Variants in RIMBP2 observed in about 807,000 individuals in gnomAD.
RIMBP2 encodes the protein RIMS binding protein 2.
A neutral mutation model predicts 118.6 loss-of-function variants in RIMBP2; 48 were observed. That is an observed-to-expected ratio of 0.40 (90% CI 0.32 to 0.51). RIMBP2 has a LOEUF of 0.51. Among genes scored for constraint, RIMBP2 ranks in the 20% least tolerant of loss-of-function variants. RIMBP2 has a pLI of 0.41. For missense variants in RIMBP2, 1,551 were observed against 1,768.3 expected (o/e 0.88, Z 2.20); for synonymous variants, 762 against 742.9 (o/e 1.03, Z -0.42).
intron 1 of RIMBP2, among the ~76,000 whole-genome samples, chr12:130,646,542 G>A (rs921319609): frequency 1.3e-5 from 2 of 152,116 alleles, no homozygotes; most frequent in Non-Finnish European, 1.5e-5. Flanking sequence ...TCCTCCTCGA[G>A]GTCCTGTTTT....
chr12:130,468,428 CGCT>C (rs1348227552), intron 6 of RIMBP2, among the ~76,000 whole-genome samples: 8 of 152,130 alleles, frequency 5.3e-5, no homozygotes, highest in African/African-American at 1.9e-4. Context: ...AGCTCCTGGG[CGCT>C]GCTGCTGCCC....
chr12:130,605,316 G>A (rs2060119081), intron 2 of RIMBP2, among the ~76,000 whole-genome samples: 1 of 152,262 alleles, frequency 6.6e-6, no homozygotes, highest in African/African-American at 2.4e-5. Context: ...TTTTAAAGGT[G>A]GTCTGGTCTC....
chr12:130,474,023 C>T (rs2081229127), intron 5 of RIMBP2, among the ~76,000 whole-genome samples: 1 of 152,204 alleles, frequency 6.6e-6, no homozygotes, highest in South Asian at 2.1e-4. Flanking sequence ...CCCTTTAGCT[C>T]ACACCACTGG....
At chr12:130,496,513 A>C (rs1461657201) in intron 4 of RIMBP2, among the ~76,000 whole-genome samples, 2 of 152,026 alleles carry the variant, frequency 1.3e-5, no homozygotes, top group African/African-American at 2.4e-5. Flanking sequence ...GGGGTAGAGG[A>C]GGCTGCGAGG....
intron 2 of RIMBP2, among the ~76,000 whole-genome samples, chr12:130,626,879 C>T (rs1040428021): frequency 4.6e-5 from 7 of 151,038 alleles, no homozygotes; most frequent in African/African-American, 1.7e-4. Flanking sequence ...TTCTCCATCA[C>T]CACGACTACT....
chr12:130,600,624 G>A (rs2059820556), intron 2 of RIMBP2, among the ~76,000 whole-genome samples: 3 of 151,978 alleles, frequency 2.0e-5, no homozygotes, highest in South Asian at 4.2e-4. Flanking sequence ...CCCTCTGGCT[G>A]GAAGGATGTC....
intron 4 of RIMBP2, among the ~76,000 whole-genome samples, chr12:130,499,915 C>CTT (rs2138653102): frequency 6.6e-6 from 1 of 152,214 alleles, no homozygotes; most frequent in Non-Finnish European, 1.5e-5. Flanking sequence ...ATGAATATAT[C>CTT]TTTAGGTGTG....
In RIMBP2 at chr12:130,446,698, G is replaced by C. The variant is rs1192243363; in HGVS notation, c.582-1429C>G. 6.6e-6 allele frequency among the ~76,000 whole-genome samples: 1 copy of C among 152,236 alleles called. No homozygotes were observed. The highest frequency in any genetic ancestry group is 1.5e-5 in the Non-Finnish European group (1 of 68,044). The stretch of plus-strand genomic sequence containing the variant: ...AAGGCCCAGAGGCAGGGAGGAGAGA[G>C]ATGAGGTTGGCAGGGACCAGACTGG... On this transcript the variant is annotated intron_variant, in intron 9 of 22. Coordinates refer to ENST00000690449, the MANE Select transcript of RIMBP2 (RefSeq NM_001393629.1). This position sits in a 1 kb window ranked among gnomAD's most constrained non-coding sequence, Gnocchi z 4.1.
chr12:130,560,394 G>A (rs1384906202), intron 2 of RIMBP2, among the ~76,000 whole-genome samples: 1 of 152,102 alleles, frequency 6.6e-6, no homozygotes, highest in African/African-American at 2.4e-5. Context: ...TTGCTGTGGG[G>A]CTGTCTTGTG....
intron 9 of RIMBP2, among the ~76,000 whole-genome samples, chr12:130,445,516 T>A (rs1370248769): frequency 3.3e-5 from 5 of 152,232 alleles, no homozygotes; most frequent in African/African-American, 9.6e-5. Context: ...ACTATTTGCA[T>A]CAGATAACAG....
At chr12:130,711,924 T>G (rs1285813534) in intron 1 of RIMBP2, among the ~76,000 whole-genome samples, 3 of 152,280 alleles carry the variant, frequency 2.0e-5, no homozygotes, top group African/African-American at 7.2e-5. Context: ...TGCTTCCGGT[T>G]TCACAGCTGT....
chr12:130,448,564 G>A (rs59624562), intron 9 of RIMBP2, among the ~76,000 whole-genome samples: 3,859 of 152,332 alleles, frequency 0.025, 166 homozygotes, highest in African/African-American at 0.087. Context: ...GAATGGCTGC[G>A]CCTGGGCCTG....
At chr12:130,456,407 C>T (rs1025888327) in intron 7 of RIMBP2, 89 bp downstream of exon 7, 2 of 1,212,584 alleles carry the variant, frequency 1.6e-6, no homozygotes, top group Non-Finnish European at 2.3e-6. Flanking sequence ...CAGGTGTCAC[C>T]AAACCGATTT....
intron 2 of RIMBP2, among the ~76,000 whole-genome samples, chr12:130,585,258 AG>A (rs1350713464): frequency 6.6e-6 from 1 of 152,188 alleles, no homozygotes; most frequent in East Asian, 1.9e-4. Context: ...CGGAGTGAGA[AG>A]GGGAGGGTCC....
At chr12:130,529,776 G>A (rs950134708) in intron 2 of RIMBP2, among the ~76,000 whole-genome samples, 1 of 152,084 alleles carries the variant, frequency 6.6e-6, no homozygotes, top group South Asian at 2.1e-4. Context: ...GAATGGTTTT[G>A]GGATGAAACT....
At chr12:130,595,427 G>A (rs1177332881) in intron 2 of RIMBP2, among the ~76,000 whole-genome samples, 1 of 151,988 alleles carries the variant, frequency 6.6e-6, no homozygotes, top group East Asian at 1.9e-4. Context: ...GCGTGGTGGC[G>A]GGCGCCTGTA....
chr12:130,634,780 G>T (rs1053830616), intron 1 of RIMBP2, among the ~76,000 whole-genome samples: 8 of 152,092 alleles, frequency 5.3e-5, no homozygotes, highest in African/African-American at 1.7e-4. Context: ...ATATATTTTT[G>T]TAGAGATGGG....
rs58601362 is a variant in RIMBP2 at position 130,585,170 on chromosome 12, G to A, written c.-217+43152C>T. 2.5e-3 allele frequency among the ~76,000 whole-genome samples: 382 copies of A among 152,250 alleles called. 4 individuals are homozygous for A. Among genetic ancestry groups the A allele is most frequent in the African/African-American group, 8.8e-3 (367 of 41,540 alleles). On this transcript the variant is annotated intron_variant, in intron 2 of 22. Transcript: ENST00000690449. ...CTCTGAAAGTGAGAGGTTAACAGGC[G>A]TGAGCCACTGAATCCGATGACCACT...
At position 130,506,830 on chromosome 12, in the gene RIMBP2, CGTT is replaced by C. The variant is rs1179946205; in HGVS notation, c.-126-63_-126-61del. On this transcript the variant is annotated intron_variant, in intron 3 of 22. Transcript: ENST00000690449. ...CACAACATGCCTAAGAGTTGGTATC[CGTT>C]GCTTCCTCTTTAGGAGCAAAATCTT... 12 of 983,266 alleles carry C rather than the reference CGTT, an allele frequency of 1.2e-5. No homozygotes were observed. In the African/African-American group the frequency reaches 2.1e-4, roughly 17 times the overall value. The allele number at this position is 983,266 out of a possible 1,614,324, so 60.9% of individuals were successfully genotyped here.
Sources: allele counts gnomAD v4.1 joint callset (sites outside exome capture counted in the v4.1 genomes callset), GRCh38; gene constraint gnomAD v4.1.1; non-coding constraint Gnocchi (gnomAD v3.1); transcripts MANE v1.5; gene names NCBI Gene and HGNC (gene_info 2026-07-23, HGNC 2026-07-21).